The following LEUTX variants were observed in gnomAD, a reference collection of about 807,000 sequenced individuals.
LEUTX encodes leucine twenty homeobox.
Under a neutral mutation model 4.5 loss-of-function variants are expected in LEUTX, and 5 were observed. The observed-to-expected ratio is 1.11, with a 90% CI of 0.58 to 2.34. LEUTX has a LOEUF of 2.34. Among genes scored for constraint, LEUTX ranks in the 30% most tolerant of loss-of-function variants. The probability of loss-of-function intolerance (pLI) is 0.01; values close to 1 mark genes in which losing one functional copy is unlikely to be tolerated. For missense variants in LEUTX, 233 were observed against 239.4 expected (o/e 0.97, Z 0.18); for synonymous variants, 89 against 85.1 (o/e 1.05, Z -0.25).
intron 1 of LEUTX, among the ~76,000 whole-genome samples, chr19:39,783,257 T>A (rs931323434): frequency 6.8e-6 from 1 of 146,806 alleles, no homozygotes; most frequent in Non-Finnish European, 1.5e-5. Context: ...TATATATATA[T>A]AAATTATATA....
At position 39,784,558 on chromosome 19, in the gene LEUTX, A is replaced by G; in HGVS notation, c.39A>G (p.Thr13=). 1.5e-6 allele frequency: 2 copies of G among 1,341,462 alleles called. No homozygotes were observed. The highest frequency in any genetic ancestry group is 1.8e-4 in the Middle Eastern group (1 of 5,612). 83.1% of individuals were successfully genotyped at this position (1,341,462 alleles called of 1,614,324 possible). The change falls in exon 2 of 3, where the codon ACA becomes ACG. Residue 13 remains threonine, a synonymous_variant. Transcript: ENST00000638280. The stretch of plus-strand genomic sequence containing the variant: ...CAAGGCGTTATCGTCGGCCACGCAC[A>G]AGATTTCTCTCCAAACAACTCACAG... ...EGPRRYRRPR[T]RFLSKQLTAL...
intron 1 of LEUTX, among the ~76,000 whole-genome samples, chr19:39,781,461 G>A (rs943438535): frequency 6.6e-6 from 1 of 152,204 alleles, no homozygotes; most frequent in Non-Finnish European, 1.5e-5. Context: ...CAAATCTCAT[G>A]TTGAAATGTG....
At chr19:39,776,965 A>G (rs2144950910), upstream of LEUTX, among the ~76,000 whole-genome samples, 1 of 152,326 alleles carries the variant, frequency 6.6e-6, no homozygotes, top group East Asian at 1.9e-4. Flanking sequence ...TTGGAATAAA[A>G]TTCAAACTTC....
At chr19:39,782,301 C>T (rs1967898388) in intron 1 of LEUTX, among the ~76,000 whole-genome samples, 2 of 152,122 alleles carry the variant, frequency 1.3e-5, no homozygotes, top group Non-Finnish European at 2.9e-5. Flanking sequence ...TGGGAGATAA[C>T]TGAATCATGG....
intron 1 of LEUTX, among the ~76,000 whole-genome samples, chr19:39,781,232 G>A (rs564007811): frequency 2.0e-5 from 3 of 152,136 alleles, no homozygotes; most frequent in East Asian, 1.9e-4. Context: ...CCATGTGCCC[G>A]ATCACTTGTC....
chr19:39,785,483 A>G (rs1480670660), intron 2 of LEUTX, among the ~76,000 whole-genome samples: 1 of 152,042 alleles, frequency 6.6e-6, no homozygotes, highest in Non-Finnish European at 1.5e-5. Flanking sequence ...TCTATTTAAT[A>G]CATCACAATC....
intron 1 of LEUTX, among the ~76,000 whole-genome samples, chr19:39,779,265 T>C (rs1248008321): frequency 6.6e-6 from 1 of 152,168 alleles, no homozygotes; most frequent in African/African-American, 2.4e-5. Flanking sequence ...TTTTTAAATT[T>C]TTTGTAGAGA....
chr19:39,785,481 A>C (rs923009668), intron 2 of LEUTX, among the ~76,000 whole-genome samples: 2 of 152,028 alleles, frequency 1.3e-5, no homozygotes, highest in Non-Finnish European at 2.9e-5. Context: ...CTTCTATTTA[A>C]TACATCACAA....
At chr19:39,784,060 C>T (rs985648142) in intron 1 of LEUTX, among the ~76,000 whole-genome samples, 1 of 152,064 alleles carries the variant, frequency 6.6e-6, no homozygotes, top group African/African-American at 2.4e-5. Context: ...CTGTCTATCT[C>T]ATTTCTTAGG....
Position 39,786,085 on chromosome 19 carries a change from T to A in LEUTX, c.547T>A (p.Tyr183Asn). ...AGATGACACCAGCAGCCTAAATCAA[T>A]ATCTTTTTCCAGTATGCCTTGAGTA... ...GEDDTSSLNQ[Y>N]LFPVCLEYDQ... Residue 183 changes from tyrosine (Y) to asparagine (N), a missense_variant, in exon 3 of 3, where the codon TAT becomes AAT. Tyr to Asn is a moderately radical substitution (Grantham distance 143). Coordinates refer to ENST00000638280, the MANE Select transcript of LEUTX (RefSeq NM_001382345.1). 6.5e-7 allele frequency: 1 copy of A among 1,549,228 alleles called. No homozygotes were observed. Among genetic ancestry groups the A allele is most frequent in the Non-Finnish European group, 8.7e-7 (1 of 1,146,002 alleles).
At chr19:39,777,570 C>T (rs183778458), upstream of LEUTX, among the ~76,000 whole-genome samples, 74 of 152,272 alleles carry the variant, frequency 4.9e-4, no homozygotes, top group Non-Finnish European at 7.6e-4. Context: ...AACATTTAAA[C>T]GGAAAATTTG....
chr19:39,782,786 T>A (rs1194463168), intron 1 of LEUTX, among the ~76,000 whole-genome samples: 1 of 152,160 alleles, frequency 6.6e-6, no homozygotes, highest in Non-Finnish European at 1.5e-5. Context: ...GTGAGTCAAA[T>A]GTTTAGCCTA....
chr19:39,778,293 C>A (rs1267829474), upstream of LEUTX, among the ~76,000 whole-genome samples: 1 of 152,120 alleles, frequency 6.6e-6, no homozygotes, highest in African/African-American at 2.4e-5. Context: ...CCCCAGCTGC[C>A]CCCAAATCCA....
chr19:39,782,460 C>A (rs1824254500), intron 1 of LEUTX, among the ~76,000 whole-genome samples: 1 of 152,158 alleles, frequency 6.6e-6, no homozygotes, highest in African/African-American at 2.4e-5. Flanking sequence ...TTGCTTTCCA[C>A]CATGATTGTG....
At chr19:39,781,824 A>G (rs10775537) in intron 1 of LEUTX, among the ~76,000 whole-genome samples, 39,723 of 152,126 alleles carry the variant, frequency 0.26, 5,938 homozygotes, top group East Asian at 0.53. Context: ...TAAATGCAAA[A>G]TGGACTAACA....
At chr19:39,780,844 CTT>C (rs540039792) in intron 1 of LEUTX, among the ~76,000 whole-genome samples, 1 of 150,508 alleles carries the variant, frequency 6.6e-6, no homozygotes, top group African/African-American at 2.4e-5. Context: ...TATAGATTTT[CTT>C]TTTTTTTGTA....
chr19:39,784,609 C>T lies in LEUTX; in HGVS notation c.90C>T (p.Thr30=), dbSNP rs756701054. ...CATTGAGAGAATTGCTTGAAAAGACCATGCACCCAAGTTTGGCTACAATGG... is the reference window on the plus strand; with the variant it reads ...CATTGAGAGAATTGCTTGAAAAGACTATGCACCCAAGTTTGGCTACAATGG... ...LTALRELLEK[T]MHPSLATMGK... The change falls in exon 2 of 3, where the codon ACC becomes ACT. Residue 30 remains threonine, a synonymous_variant. Coordinates refer to ENST00000638280, the MANE Select transcript of LEUTX (RefSeq NM_001382345.1). 2 of 1,550,358 alleles carry T rather than the reference C, an allele frequency of 1.3e-6. No homozygotes were observed. The highest frequency in any genetic ancestry group is 8.7e-7 in the Non-Finnish European group (1 of 1,145,810).
chr19:39,777,605 G>A (rs73040931), upstream of LEUTX, among the ~76,000 whole-genome samples: 3,430 of 152,240 alleles, frequency 0.023, 53 homozygotes, highest in Non-Finnish European at 0.033. Flanking sequence ...CTTTCCGATA[G>A]GATTTGGGAG....
intron 1 of LEUTX, among the ~76,000 whole-genome samples, chr19:39,780,576 T>A (rs1338385518): frequency 1.3e-5 from 2 of 152,202 alleles, no homozygotes. Context: ...TTTAGTCACA[T>A]AAATATTGCT....
Sources: gnomAD v4.1 joint callset for allele counts (sites outside exome capture counted in the v4.1 genomes callset) on GRCh38, gnomAD v4.1.1 for gene constraint, MANE v1.5 for transcripts, NCBI Gene and HGNC (gene_info 2026-07-23, HGNC 2026-07-21) for gene names.